COL5A2: variants seen among roughly 807,000 people sequenced by gnomAD.
The protein encoded by COL5A2 is collagen type V alpha 2 chain.
A neutral mutation model predicts 208.2 loss-of-function variants in COL5A2; 23 were observed. That is an observed-to-expected ratio of 0.11 (90% CI 0.08 to 0.16). COL5A2 has a LOEUF of 0.16. Among genes scored for constraint, COL5A2 ranks in the 10% least tolerant of loss-of-function variants. The pLI is 1.00. For missense variants in COL5A2, 1,590 were observed against 1,956.4 expected, an observed-to-expected ratio of 0.81 and a Z score of 3.53; for synonymous variants, 625 against 628.5, an observed-to-expected ratio of 0.99 and a Z score of 0.08.
At chr2:189,376,535 T>G in the COL5A2 span, among the ~76,000 whole-genome samples, 1 of 147,508 alleles carries the variant, frequency 6.8e-6, no homozygotes, top group Non-Finnish European at 1.5e-5. Context: ...ATTCTTTCCC[T>G]CTGCACCCAG....
intron 1 of COL5A2, among the ~76,000 whole-genome samples, chr2:189,204,275 C>A (rs1397416579): frequency 6.6e-6 from 1 of 152,140 alleles, no homozygotes; most frequent in Non-Finnish European, 1.5e-5. Flanking sequence ...AAGTTTAGGT[C>A]GCTTTAACAT....
the COL5A2 span, among the ~76,000 whole-genome samples, chr2:189,412,334 T>C: frequency 6.6e-6 from 1 of 152,196 alleles, no homozygotes; most frequent in African/African-American, 2.4e-5. Flanking sequence ...GAATTTAAGA[T>C]GCAAGAAATA....
the COL5A2 span, among the ~76,000 whole-genome samples, chr2:189,288,097 T>C: frequency 6.6e-6 from 1 of 152,056 alleles, no homozygotes; most frequent in Non-Finnish European, 1.5e-5. Flanking sequence ...CTGCTGTTTA[T>C]GGAATGAAAA....
chr2:189,167,363 C>T (rs1230365230), intron 1 of COL5A2, among the ~76,000 whole-genome samples: 1 of 152,210 alleles, frequency 6.6e-6, no homozygotes, highest in African/African-American at 2.4e-5. Context: ...ACTGATTTAT[C>T]TTTATAGAAC....
At position 189,073,500 on chromosome 2, in the gene COL5A2, A is replaced by G. The variant is rs189557701; in HGVS notation, c.1105-1407T>C. Among the ~76,000 whole-genome samples, 454 of 152,240 alleles carry G rather than the reference A, an allele frequency of 3.0e-3. 4 individuals are homozygous for G. Among genetic ancestry groups the G allele is most frequent in the Admixed American group, 0.027 (414 of 15,292 alleles). ...TTAAAAAATACTGATTTCTGAGTCT[A>G]CCTCTAGAGATTACATTTAAATTGG... On this transcript the variant is annotated intron_variant, in intron 17 of 53. Coordinates refer to ENST00000374866, the MANE Select transcript of COL5A2 (RefSeq NM_000393.5).
chr2:189,353,283 G>T, the COL5A2 span, among the ~76,000 whole-genome samples: 1 of 152,072 alleles, frequency 6.6e-6, no homozygotes, highest in South Asian at 2.1e-4. Context: ...CTCTTTTTTG[G>T]TTCCATATGA....
the COL5A2 span, among the ~76,000 whole-genome samples, chr2:189,432,083 T>C: frequency 3.9e-5 from 6 of 152,182 alleles, no homozygotes; most frequent in South Asian, 2.1e-4. Flanking sequence ...TAGAATTTCA[T>C]ATCCAGCCAA....
At chr2:189,277,985 T>C in the COL5A2 span, among the ~76,000 whole-genome samples, 7 of 152,100 alleles carry the variant, frequency 4.6e-5, no homozygotes, top group Non-Finnish European at 5.9e-5. Context: ...TAAAAGGTTT[T>C]TTTCTAGGAA....
the COL5A2 span, among the ~76,000 whole-genome samples, chr2:189,312,397 T>C: frequency 2.3e-4 from 35 of 152,122 alleles, no homozygotes; most frequent in South Asian, 1.0e-3. Flanking sequence ...GAGCGGGACA[T>C]GGAGATCCAG....
At chr2:189,190,542 T>C (rs183180518) in intron 1 of COL5A2, among the ~76,000 whole-genome samples, 13 of 152,362 alleles carry the variant, frequency 8.5e-5, no homozygotes, top group Non-Finnish European at 5.9e-5. Context: ...TTATGACTTG[T>C]AATCAATTTC....
intron 50 of COL5A2, among the ~76,000 whole-genome samples, chr2:189,039,958 C>A (rs942211386): frequency 6.6e-6 from 1 of 152,078 alleles, no homozygotes; most frequent in Admixed American, 6.6e-5. Context: ...TGAAGCTGAA[C>A]AAAGCATGCA....
the COL5A2 span, among the ~76,000 whole-genome samples, chr2:189,308,102 G>A: frequency 6.6e-6 from 1 of 151,904 alleles, no homozygotes; most frequent in Non-Finnish European, 1.5e-5. Flanking sequence ...ACAGATTTGG[G>A]CAATAAACTG....
chr2:189,321,259 T>C, the COL5A2 span, among the ~76,000 whole-genome samples: 2 of 152,278 alleles, frequency 1.3e-5, no homozygotes, highest in African/African-American at 4.8e-5. Flanking sequence ...CTGCATCAAC[T>C]AACGAGTAAA....
chr2:189,380,036 T>TATATATATA, the COL5A2 span, among the ~76,000 whole-genome samples: 5 of 150,008 alleles, frequency 3.3e-5, no homozygotes, highest in African/African-American at 1.2e-4. Flanking sequence ...GTGAAATATT[T>TATATATATA]TATATATATA....
At chr2:189,084,332 C>T (rs1387662855) in intron 11 of COL5A2, among the ~76,000 whole-genome samples, 1 of 152,068 alleles carries the variant, frequency 6.6e-6, no homozygotes, top group Non-Finnish European at 1.5e-5. Context: ...AAAATTTATA[C>T]ACATAAACAT....
chr2:189,428,269 T>C, the COL5A2 span, among the ~76,000 whole-genome samples: 1 of 152,152 alleles, frequency 6.6e-6, no homozygotes, highest in African/African-American at 2.4e-5. Flanking sequence ...TCATGAATTA[T>C]TTAGCCCTAT....
rs543275308 is a variant in COL5A2, at chr2:189,064,736, A to T, written c.1618-81T>A. ...AGCAGAAGTAAAATTATCGTTTTAC[A>T]AATCAAGGCACTAATATAACATACA... On this transcript the variant is annotated intron_variant, in intron 24 of 53. Transcript: ENST00000374866. The T allele has an allele frequency of 5.7e-6, 6 of 1,045,230 alleles. 1 individual carries two copies. The South Asian group carries it at 6.3e-5, about 11-fold the overall frequency. The allele number at this position is 1,045,230 out of a possible 1,614,324, so 64.7% of individuals were successfully genotyped here.
chr2:189,245,298 T>C, the COL5A2 span, among the ~76,000 whole-genome samples: 3 of 152,086 alleles, frequency 2.0e-5, no homozygotes, highest in Non-Finnish European at 4.4e-5. Context: ...AAAAAAGATG[T>C]TACTTCTTTG....
At chr2:189,142,146 C>G (rs1687946096) in intron 1 of COL5A2, among the ~76,000 whole-genome samples, 1 of 151,920 alleles carries the variant, frequency 6.6e-6, no homozygotes, top group African/African-American at 2.4e-5. Context: ...TATATGTTTT[C>G]ATGTTATGAT....
Sources: allele counts gnomAD v4.1 joint callset (sites outside exome capture counted in the v4.1 genomes callset), GRCh38; gene constraint gnomAD v4.1.1; transcripts MANE v1.5; gene names NCBI Gene and HGNC (gene_info 2026-07-23, HGNC 2026-07-21).